The following GABBR2 variants were observed in gnomAD, a reference collection of about 807,000 sequenced individuals.
The protein encoded by GABBR2 is gamma-aminobutyric acid type B receptor subunit 2.
Under a neutral mutation model 105.6 loss-of-function variants are expected in GABBR2, and 23 were observed. The observed-to-expected ratio is 0.22, with a 90% CI of 0.16 to 0.31. GABBR2 has a LOEUF of 0.31. Ranked by LOEUF, GABBR2 falls within the 10% of genes least tolerant of loss-of-function variation. The pLI, the probability that GABBR2 is intolerant of heterozygous loss-of-function variation, is 1.00. For synonymous variants in GABBR2, 478 were observed against 499.7 expected (o/e 0.96, Z 0.58); for missense variants, 734 against 1,245.5 (o/e 0.59, Z 6.18).
chr9:98,654,608 G>A (rs961338590), intron 1 of GABBR2, among the ~76,000 whole-genome samples: 3 of 152,172 alleles, frequency 2.0e-5, no homozygotes, highest in Non-Finnish European at 2.9e-5. Flanking sequence ...CTGAAGGGGC[G>A]AGGCAGACAT....
At chr9:98,506,859 C>T (rs929298348) in intron 3 of GABBR2, among the ~76,000 whole-genome samples, 1 of 152,132 alleles carries the variant, frequency 6.6e-6, no homozygotes, top group Non-Finnish European at 1.5e-5. Flanking sequence ...GAGCTACAGG[C>T]CCTCACACCC....
chr9:98,354,671 C>T (rs1376125410), intron 13 of GABBR2, among the ~76,000 whole-genome samples: 1 of 152,340 alleles, frequency 6.6e-6, no homozygotes, highest in African/African-American at 2.4e-5. Flanking sequence ...TGTCATCCTT[C>T]ATGGAATTGA....
At chr9:98,624,010 G>A (rs973151484) in intron 1 of GABBR2, among the ~76,000 whole-genome samples, 2 of 152,150 alleles carry the variant, frequency 1.3e-5, no homozygotes, top group Admixed American at 1.3e-4. Flanking sequence ...GGATTCAAAG[G>A]CACAGTCAAA....
At chr9:98,430,288 C>CAAAA (rs55760467) in intron 7 of GABBR2, among the ~76,000 whole-genome samples, 2 of 88,956 alleles carry the variant, frequency 2.2e-5, no homozygotes, top group African/African-American at 9.7e-5. Flanking sequence ...GACTCCGTCT[C>CAAAA]AAAAAAAAAA....
chr9:98,586,284 CTTT>C (rs569530376), intron 1 of GABBR2, among the ~76,000 whole-genome samples: 217 of 131,086 alleles, frequency 1.7e-3, no homozygotes, highest in Middle Eastern at 0.012. Flanking sequence ...TCTTTTCTTT[CTTT>C]TTTTTTTTTT....
rs867332789 is a variant in GABBR2, at chr9:98,575,095, C to G, written c.459+2840G>C. On this transcript the variant is annotated intron_variant, in intron 2 of 18. Transcript: ENST00000259455. ...CATTTATAAACACCACCACCCCCCC[C>G]CAAATCTGCAAAACCCTAAGAGAGA... Among the ~76,000 whole-genome samples, 27 of 152,242 alleles carry G rather than the reference C, an allele frequency of 1.8e-4. No individual in the cohort carries two copies. In the South Asian group the frequency reaches 1.9e-3, roughly 11 times the overall value.
intron 3 of GABBR2, among the ~76,000 whole-genome samples, chr9:98,519,436 T>G (rs554798375): frequency 6.6e-6 from 1 of 152,244 alleles, no homozygotes; most frequent in South Asian, 2.1e-4. Context: ...AGTCTGCACA[T>G]CCGTGATAGA....
chr9:98,470,392 G>A (rs1320168060), intron 6 of GABBR2, among the ~76,000 whole-genome samples: 1 of 152,200 alleles, frequency 6.6e-6, no homozygotes, highest in East Asian at 1.9e-4. Flanking sequence ...GCAGACAAGA[G>A]AAAGGATGAG....
chr9:98,371,429 C>G, intron 12 of GABBR2, 35 bp downstream of exon 12: 1 of 1,092,074 alleles, frequency 9.2e-7, no homozygotes, highest in Non-Finnish European at 1.4e-6. Context: ...TGGGTGAACA[C>G]TACTAATACC....
intron 1 of GABBR2, among the ~76,000 whole-genome samples, chr9:98,628,366 A>G (rs1371676126): frequency 2.0e-5 from 3 of 152,186 alleles, no homozygotes; most frequent in African/African-American, 7.2e-5. Context: ...AAGGCAGGGT[A>G]GCTAATTATC....
At chr9:98,673,108 G>C (rs1830425638) in intron 1 of GABBR2, among the ~76,000 whole-genome samples, 1 of 152,202 alleles carries the variant, frequency 6.6e-6, no homozygotes, top group Admixed American at 6.5e-5. Context: ...TGTACACGGA[G>C]ATGGTGACAA....
intron 3 of GABBR2, among the ~76,000 whole-genome samples, chr9:98,518,449 T>G (rs2779571): frequency 6.6e-6 from 1 of 152,234 alleles, no homozygotes; most frequent in South Asian, 2.1e-4. Flanking sequence ...CCCTTAAGTT[T>G]CGGACTTCAG....
chr9:98,488,510 A>G, intron 4 of GABBR2, among the ~76,000 whole-genome samples: 1 of 152,194 alleles, frequency 6.6e-6, no homozygotes, highest in East Asian at 1.9e-4. Context: ...TTTTAAGAGT[A>G]GAAAGCCTGG....
At chr9:98,618,486 ATCTCTCTCTCTCTCTCTC>A (rs10611275) in intron 1 of GABBR2, among the ~76,000 whole-genome samples, 3 of 145,072 alleles carry the variant, frequency 2.1e-5, no homozygotes, top group Admixed American at 1.4e-4. Context: ...GGTCTGCTGC[ATCTCTCTCTCTCTCTCTC>A]TCTCTCTCTC....
chr9:98,406,946 A>G (rs907036214), intron 7 of GABBR2, among the ~76,000 whole-genome samples: 3 of 152,194 alleles, frequency 2.0e-5, no homozygotes, highest in Non-Finnish European at 4.4e-5. Context: ...CTTCATGCCA[A>G]ACGTAAGTGA....
At chr9:98,618,110 A>G (rs913166095) in intron 1 of GABBR2, among the ~76,000 whole-genome samples, 3 of 152,226 alleles carry the variant, frequency 2.0e-5, no homozygotes, top group Non-Finnish European at 4.4e-5. Context: ...TTTTACCCAC[A>G]TCAGAGGCCT....
intron 4 of GABBR2, among the ~76,000 whole-genome samples, chr9:98,494,801 G>T (rs962922907): frequency 6.6e-6 from 1 of 152,240 alleles, no homozygotes; most frequent in Non-Finnish European, 1.5e-5. Context: ...TGCTACTTCT[G>T]TTGGAGTTGG....
intron 3 of GABBR2, among the ~76,000 whole-genome samples, chr9:98,517,150 TC>T (rs951846355): frequency 5.9e-5 from 9 of 152,150 alleles, no homozygotes; most frequent in African/African-American, 2.2e-4. Context: ...TCACACACCT[TC>T]CCCAGGACCG....
chr9:98,512,800 G>T (rs1174798945), intron 3 of GABBR2, among the ~76,000 whole-genome samples: 1 of 152,226 alleles, frequency 6.6e-6, no homozygotes, highest in Non-Finnish European at 1.5e-5. Context: ...TGGGTAGGAA[G>T]AATCAATATC....
Sources: gnomAD v4.1 joint callset for allele counts (sites outside exome capture counted in the v4.1 genomes callset) on GRCh38, gnomAD v4.1.1 for gene constraint, MANE v1.5 for transcripts, NCBI Gene and HGNC (gene_info 2026-07-23, HGNC 2026-07-21) for gene names.